NR2E1: variants seen among roughly 807,000 people sequenced by gnomAD.
NR2E1 encodes nuclear receptor subfamily 2 group E member 1.
In NR2E1, 5 loss-of-function variants were observed where a neutral mutation model predicts 43.6. The observed-to-expected ratio is 0.11, with a 90% CI of 0.06 to 0.24. The LOEUF (loss-of-function observed/expected upper bound fraction) is 0.24, where lower values mean the gene tolerates loss of function less well. Among genes scored for constraint, NR2E1 ranks in the 10% least tolerant of loss-of-function variants. The pLI, the probability that NR2E1 is intolerant of heterozygous loss-of-function variation, is 1.00. For missense variants in NR2E1, 287 were observed against 496.7 expected, an observed-to-expected ratio of 0.58 and a Z score of 4.01; for synonymous variants, 191 against 195.5, an observed-to-expected ratio of 0.98 and a Z score of 0.19.
intron 8 of NR2E1, among the ~76,000 whole-genome samples, chr6:108,184,481 A>G (rs1774043012): frequency 6.6e-6 from 1 of 152,170 alleles, no homozygotes; most frequent in African/African-American, 2.4e-5. Flanking sequence ...AGAGGAAAGC[A>G]ATGTGGGGAG....
intron 3 of NR2E1, among the ~76,000 whole-genome samples, chr6:108,175,287 C>T: frequency 6.6e-6 from 1 of 152,246 alleles, no homozygotes; most frequent in East Asian, 1.9e-4. Context: ...TAGCCTGCCC[C>T]AGGATCTTAA....
intron 8 of NR2E1, 132 bp downstream of exon 8, chr6:108,181,783 T>C (rs187986755): frequency 1.3e-5 from 10 of 743,810 alleles, no homozygotes; most frequent in Admixed American, 1.2e-4. Flanking sequence ...TTAGGGAGAA[T>C]CCATGTCCTT....
At chr6:108,172,520 T>C (rs560707200) in intron 2 of NR2E1, among the ~76,000 whole-genome samples, 276 of 152,310 alleles carry the variant, frequency 1.8e-3, no homozygotes, top group Non-Finnish European at 3.4e-3. Context: ...AGATCAACCT[T>C]CTGGTCCTAC....
At chr6:108,179,516 G>GTA (rs1562405535) in intron 5 of NR2E1, among the ~76,000 whole-genome samples, 1 of 151,434 alleles carries the variant, frequency 6.6e-6, no homozygotes, top group Non-Finnish European at 1.5e-5. Flanking sequence ...GTGTGTGTGT[G>GTA]TGTGTGTGTG....
intron 1 of NR2E1, among the ~76,000 whole-genome samples, chr6:108,168,533 A>T (rs1773752231): frequency 6.6e-6 from 1 of 152,222 alleles, no homozygotes; most frequent in African/African-American, 2.4e-5. Flanking sequence ...TCCTTGCGGA[A>T]ACTTTGGCCG....
chr6:108,171,709 G>A, intron 2 of NR2E1, 106 bp downstream of exon 2: 1 of 1,412,522 alleles, frequency 7.1e-7, no homozygotes, highest in Non-Finnish European at 9.9e-7. Flanking sequence ...GGAGAGACCC[G>A]GCCCTGACCT....
At chr6:108,184,629 G>C (rs1317264345) in intron 8 of NR2E1, among the ~76,000 whole-genome samples, 4 of 152,150 alleles carry the variant, frequency 2.6e-5, no homozygotes, top group Non-Finnish European at 4.4e-5. Flanking sequence ...TGTCCTGAGA[G>C]TGGTGGAGGA....
Position 108,171,402 on chromosome 6 carries a change from C to T in NR2E1, c.26-56C>T, listed in dbSNP as rs145563326. On this transcript the variant is annotated intron_variant, in intron 1 of 8. Transcript: ENST00000368986. The stretch of plus-strand genomic sequence containing the variant: ...CCTCTCCCCTTTTCTCCCTCTTCTC[C>T]GCCCTCCTTTCCCTCTCGCCCCTTC... The T allele has an allele frequency of 2.2e-5, 35 of 1,591,530 alleles. No homozygotes were observed. The East Asian group carries it at 7.8e-4, about 36-fold the overall frequency.
chr6:108,175,945 G>T (rs1314390020), intron 3 of NR2E1, among the ~76,000 whole-genome samples: 1 of 152,218 alleles, frequency 6.6e-6, no homozygotes, highest in African/African-American at 2.4e-5. Context: ...CTCGGAGACG[G>T]GTTCTCCCTC....
intron 8 of NR2E1, among the ~76,000 whole-genome samples, chr6:108,185,861 C>T (rs182566702): frequency 4.2e-4 from 64 of 152,230 alleles, no homozygotes; most frequent in Middle Eastern, 3.4e-3. Flanking sequence ...TCTATAGATT[C>T]CCCCAAATTC....
At chr6:108,181,233 A>G (rs1773980689) in intron 7 of NR2E1, among the ~76,000 whole-genome samples, 1 of 151,130 alleles carries the variant, frequency 6.6e-6, no homozygotes, top group African/African-American at 2.4e-5. Context: ...TGCTCTTGTC[A>G]CCCAGGCTGG....
chr6:108,170,603 T>TA (rs1249079488), intron 1 of NR2E1, among the ~76,000 whole-genome samples: 47 of 148,914 alleles, frequency 3.2e-4, no homozygotes, highest in Middle Eastern at 3.2e-3. Context: ...GATTCTTAAT[T>TA]TAAAAAAAAA....
chr6:108,181,853 C>G (rs1395507139), intron 8 of NR2E1, among the ~76,000 whole-genome samples: 1 of 152,192 alleles, frequency 6.6e-6, no homozygotes, highest in East Asian at 1.9e-4. Context: ...AGTGAAAGCA[C>G]TGCCAGACAT....
At chr6:108,179,350 C>G (rs1381780274) in intron 5 of NR2E1, 2 of 152,050 alleles carry the variant, frequency 1.3e-5, no homozygotes, top group Non-Finnish European at 2.9e-5. Flanking sequence ...TGGTTACAAG[C>G]CTTCATGATT....
Position 108,169,471 on chromosome 6 carries a change from T to C in NR2E1, c.26-1987T>C, listed in dbSNP as rs575892064. Among the ~76,000 whole-genome samples, 1 of 152,302 alleles carries C rather than the reference T, an allele frequency of 6.6e-6. No homozygotes were observed. The highest frequency in any genetic ancestry group is 2.1e-4 in the South Asian group (1 of 4,826). On this transcript the variant is annotated intron_variant, in intron 1 of 8. Transcript: ENST00000368986. This position sits in a 1 kb window ranked among gnomAD's most constrained non-coding sequence, Gnocchi z 6.1. ...CACTGCTCCTCCCACTCACTCATCT[T>C]GGCATCTTCAACAGTGCCACAGGGA...
chr6:108,168,375 G>T (rs967994653), intron 1 of NR2E1, among the ~76,000 whole-genome samples: 1 of 152,226 alleles, frequency 6.6e-6, no homozygotes, highest in Admixed American at 6.5e-5. Flanking sequence ...CCTTTTCGGG[G>T]TGTGGAGCCC....
intron 1 of NR2E1, among the ~76,000 whole-genome samples, chr6:108,171,068 G>A (rs1773803383): frequency 6.6e-6 from 1 of 152,030 alleles, no homozygotes; most frequent in Non-Finnish European, 1.5e-5. Flanking sequence ...CTCCTCGCGC[G>A]CTCACTAACA....
intron 7 of NR2E1, 67 bp from the exon 8 acceptor site, chr6:108,181,479 C>A: frequency 7.6e-7 from 1 of 1,312,656 alleles, no homozygotes; most frequent in Non-Finnish European, 1.1e-6. Context: ...CAGGCGTGAG[C>A]ACTGCGCTCG....
At position 108,166,340 on chromosome 6, in the gene NR2E1, G is replaced by T; in HGVS notation, c.-426G>T. 5.3e-6 allele frequency: 1 copy of T among 187,606 alleles called. No homozygotes were observed. The highest frequency in any genetic ancestry group is 1.1e-5 in the Non-Finnish European group (1 of 93,466). The allele number at this position is 187,606 out of a possible 1,614,324, so 11.6% of individuals were successfully genotyped here. On this transcript the variant is annotated 5_prime_UTR_variant, in exon 1 of 9. Coordinates refer to ENST00000368986, the MANE Select transcript of NR2E1 (RefSeq NM_003269.5). This position sits in a 1 kb window ranked among gnomAD's most constrained non-coding sequence, Gnocchi z 7.2. ...CCACACTCTGCATGCCTATGTAGAG[G>T]GAGAGATCGAAGACTGAGTGACAGG...
Sources: allele counts gnomAD v4.1 joint callset (sites outside exome capture counted in the v4.1 genomes callset), GRCh38; gene constraint gnomAD v4.1.1; non-coding constraint Gnocchi (gnomAD v3.1); transcripts MANE v1.5; gene names NCBI Gene and HGNC (gene_info 2026-07-23, HGNC 2026-07-21).